METTL15: variants seen among roughly 807,000 people sequenced by gnomAD.
The protein encoded by METTL15 is 12S rRNA N(4)-cytidine methyltransferase METTL15.
METTL15 carries 34 observed loss-of-function variants against 38.3 expected under a neutral mutation model. That is an observed-to-expected ratio of 0.89 (90% CI 0.68 to 1.18). The LOEUF is 1.18. Among genes scored for constraint, METTL15 ranks in the 50% most tolerant of loss-of-function variants. METTL15 has a pLI of 0.00. For synonymous variants in METTL15, 162 were observed against 170.9 expected, an observed-to-expected ratio of 0.95 and a Z score of 0.41; for missense variants, 438 against 498.4, an observed-to-expected ratio of 0.88 and a Z score of 1.15.
intron 5 of METTL15, among the ~76,000 whole-genome samples, chr11:28,399,412 G>A (rs910622789): frequency 6.6e-6 from 1 of 151,866 alleles, no homozygotes; most frequent in Admixed American, 6.6e-5. Context: ...GCTACTATTA[G>A]GGAAAATGAA....
At chr11:28,428,986 A>T (rs568093106) in intron 6 of METTL15, among the ~76,000 whole-genome samples, 1 of 152,258 alleles carries the variant, frequency 6.6e-6, no homozygotes, top group South Asian at 2.1e-4. Context: ...GCTCATCACC[A>T]TGTTCTCCCT....
chr11:28,247,244 T>C (rs2133916086), intron 4 of METTL15, among the ~76,000 whole-genome samples: 1 of 152,268 alleles, frequency 6.6e-6, no homozygotes. Context: ...TCCATCGTGG[T>C]ATATCTGAAT....
intron 6 of METTL15, among the ~76,000 whole-genome samples, chr11:28,466,246 G>C (rs1401061222): frequency 1.3e-5 from 2 of 152,196 alleles, no homozygotes; most frequent in Non-Finnish European, 2.9e-5. Flanking sequence ...GAATCAGGTG[G>C]ATAGATTGAC....
chr11:28,440,273 A>T lies in METTL15; in HGVS notation c.*424+15909A>T, dbSNP rs954186260. On this transcript the variant is annotated intron_variant and NMD_transcript_variant, in intron 6 of 7. Transcript: ENST00000532947. ...TTAAGTAGTTGTACATCTATGTGAT[A>T]TCTAGTGCATAATCATTACAATCAT... Among the ~76,000 whole-genome samples, 17 of 152,222 alleles carry T rather than the reference A, an allele frequency of 1.1e-4. 1 individual carries two copies. Among genetic ancestry groups the T allele is most frequent in the African/African-American group, 3.9e-4 (16 of 41,452 alleles).
At chr11:28,217,573 T>C (rs1206235877) in intron 4 of METTL15, among the ~76,000 whole-genome samples, 1 of 152,140 alleles carries the variant, frequency 6.6e-6, no homozygotes, top group African/African-American at 2.4e-5. Context: ...TTAGATCCCA[T>C]TTGTCAATTT....
intron 3 of METTL15, among the ~76,000 whole-genome samples, chr11:28,122,566 G>A (rs1399564663): frequency 6.6e-6 from 1 of 150,808 alleles, no homozygotes; most frequent in Non-Finnish European, 1.5e-5. Context: ...ATATATATAT[G>A]TATATAGGTG....
chr11:28,209,551 C>G (rs570854883), intron 3 of METTL15, among the ~76,000 whole-genome samples: 6 of 152,184 alleles, frequency 3.9e-5, no homozygotes, highest in South Asian at 2.1e-4. Context: ...TTAAGTCACA[C>G]TACAACATTT....
chr11:28,443,103 C>T (rs1025522330), intron 6 of METTL15, among the ~76,000 whole-genome samples: 4 of 152,124 alleles, frequency 2.6e-5, no homozygotes, highest in African/African-American at 9.7e-5. Flanking sequence ...TTTCTGTCTC[C>T]ATCTGCCTTT....
chr11:28,351,178 C>T (rs184548989), intron 3 of METTL15, among the ~76,000 whole-genome samples: 42 of 152,134 alleles, frequency 2.8e-4, no homozygotes, highest in African/African-American at 9.9e-4. Flanking sequence ...GTGGTGCAAT[C>T]GCAGCTCACT....
At chr11:28,392,705 G>A (rs1850524201) in intron 5 of METTL15, among the ~76,000 whole-genome samples, 1 of 152,048 alleles carries the variant, frequency 6.6e-6, no homozygotes, top group Admixed American at 6.6e-5. Context: ...AAACAACAGA[G>A]TGAAAAGGCA....
chr11:28,460,303 G>A (rs1851203853), intron 6 of METTL15, among the ~76,000 whole-genome samples: 1 of 151,816 alleles, frequency 6.6e-6, no homozygotes, highest in African/African-American at 2.4e-5. Flanking sequence ...ACCTACTTGA[G>A]TAATCAGAAA....
At chr11:28,374,249 C>A (rs12294887) in intron 5 of METTL15, among the ~76,000 whole-genome samples, 2,685 of 152,070 alleles carry the variant, frequency 0.018, 55 homozygotes, top group African/African-American at 0.051. Flanking sequence ...TGTAAATTAC[C>A]TTGGGCAGTA....
At chr11:28,290,503 C>T in intron 5 of METTL15, 106 bp downstream of exon 5, 4 of 900,698 alleles carry the variant, frequency 4.4e-6, no homozygotes, top group Non-Finnish European at 6.9e-6. Context: ...CATGCCTACA[C>T]CTAACACTAC....
intron 6 of METTL15, among the ~76,000 whole-genome samples, chr11:28,301,891 A>AT (rs1413640345): frequency 6.6e-6 from 1 of 151,948 alleles, no homozygotes; most frequent in Non-Finnish European, 1.5e-5. Flanking sequence ...TAGTAAATAC[A>AT]TTTTTTAGAA....
At chr11:28,233,512 C>G (rs1462378350) in intron 4 of METTL15, among the ~76,000 whole-genome samples, 1 of 151,876 alleles carries the variant, frequency 6.6e-6, no homozygotes, top group Non-Finnish European at 1.5e-5. Flanking sequence ...TACAACACTG[C>G]ATTCAGTTTT....
chr11:28,529,104 C>T (rs949405844), downstream of METTL15, among the ~76,000 whole-genome samples: 1 of 152,060 alleles, frequency 6.6e-6, no homozygotes, highest in African/African-American at 2.4e-5. Context: ...AATCTGCTTA[C>T]GTTGAGAAGA....
intron 6 of METTL15, among the ~76,000 whole-genome samples, chr11:28,509,459 C>T (rs1452479458): frequency 6.6e-6 from 1 of 150,906 alleles, no homozygotes; most frequent in Non-Finnish European, 1.5e-5. Flanking sequence ...CTGCTTTCCT[C>T]TCGTTGCACT....
intron 6 of METTL15, among the ~76,000 whole-genome samples, chr11:28,329,704 G>A (rs769997423): frequency 1.3e-5 from 2 of 151,956 alleles, no homozygotes; most frequent in African/African-American, 2.4e-5. Flanking sequence ...TGATCACATG[G>A]CCTCATTTTA....
intron 3 of METTL15, among the ~76,000 whole-genome samples, chr11:28,168,960 C>T (rs1850756407): frequency 6.6e-6 from 1 of 151,900 alleles, no homozygotes; most frequent in Non-Finnish European, 1.5e-5. Flanking sequence ...GACCTTTGGG[C>T]CACAGTAGGA....
Sources: gnomAD v4.1 joint callset for allele counts (sites outside exome capture counted in the v4.1 genomes callset) on GRCh38, gnomAD v4.1.1 for gene constraint, MANE v1.5 for transcripts, NCBI Gene and HGNC (gene_info 2026-07-23, HGNC 2026-07-21) for gene names.